The following DHRSX variants were observed in gnomAD, a reference collection of about 807,000 sequenced individuals.
DHRSX encodes polyprenol dehydrogenase.
In DHRSX, 31 loss-of-function variants were observed where a neutral mutation model predicts 34.0. The ratio of observed to expected loss-of-function variants is 0.91; its 90% CI spans 0.69 to 1.23. The LOEUF (loss-of-function observed/expected upper bound fraction) is 1.23, where lower values mean the gene tolerates loss of function less well. DHRSX is among the 50% of genes most tolerant of loss of function. The probability of loss-of-function intolerance (pLI) is 0.00; values close to 1 mark genes in which losing one functional copy is unlikely to be tolerated. For synonymous variants in DHRSX, 201 were observed against 183.8 expected (o/e 1.09, Z -0.76); for missense variants, 414 against 428.1 (o/e 0.97, Z 0.29).
intron 3 of DHRSX, among the ~76,000 whole-genome samples, chrX:2,330,169 T>A (rs67270553): frequency 0.97 from 117,366 of 120,776 alleles, 56,979 homozygotes; most frequent in East Asian, 0.99. Flanking sequence ...GAGGAGGAGG[T>A]GAAAGAGGAG....
intron 6 of DHRSX, among the ~76,000 whole-genome samples, chrX:2,235,639 A>G (rs1446015044): frequency 6.8e-6 from 1 of 146,508 alleles, no homozygotes. Context: ...GCTACTCGGG[A>G]GGCTGAGGCA....
chrX:2,276,923 GGA>G (rs1400756482), intron 4 of DHRSX, among the ~76,000 whole-genome samples: 1 of 17,956 alleles, frequency 5.6e-5, no homozygotes, highest in Non-Finnish European at 1.3e-4. Flanking sequence ...GAGGGAACAG[GGA>G]GAGAGAGGGA....
intron 3 of DHRSX, among the ~76,000 whole-genome samples, chrX:2,340,726 T>C (rs2042630458): frequency 6.6e-6 from 1 of 152,060 alleles, no homozygotes; most frequent in African/African-American, 2.4e-5. Context: ...CAAGGATGCT[T>C]TCAATGGTTC....
At chrX:2,317,417 A>AT (rs376192581) in intron 3 of DHRSX, among the ~76,000 whole-genome samples, 216 of 150,114 alleles carry the variant, frequency 1.4e-3, no homozygotes, top group African/African-American at 4.8e-3. Flanking sequence ...ACGCCCTGCT[A>AT]TTTTTTTTAT....
At chrX:2,466,176 T>A (rs2044492978) in intron 1 of DHRSX, among the ~76,000 whole-genome samples, 2 of 152,186 alleles carry the variant, frequency 1.3e-5, no homozygotes, top group Non-Finnish European at 2.9e-5. Context: ...TGGCGGCGCA[T>A]GCCTGTAATC....
chrX:2,341,222 T>A (rs1398742624), intron 3 of DHRSX, among the ~76,000 whole-genome samples: 2 of 152,078 alleles, frequency 1.3e-5, no homozygotes, highest in Non-Finnish European at 2.9e-5. Flanking sequence ...CACGCTTGCA[T>A]TCCAGACTCA....
chrX:2,421,880 T>C (rs1182001190), intron 2 of DHRSX, among the ~76,000 whole-genome samples: 1 of 152,114 alleles, frequency 6.6e-6, no homozygotes, highest in Admixed American at 6.5e-5. Context: ...ATGTGGAGAG[T>C]TCATTTTTTC....
At chrX:2,405,832 C>G in intron 3 of DHRSX, among the ~76,000 whole-genome samples, 1 of 151,932 alleles carries the variant, frequency 6.6e-6, no homozygotes, top group Non-Finnish European at 1.5e-5. Context: ...TCAAAATACA[C>G]CCATCCCCCA....
chrX:2,251,159 G>T (rs1305399380), intron 5 of DHRSX, among the ~76,000 whole-genome samples: 1 of 152,100 alleles, frequency 6.6e-6, no homozygotes, highest in East Asian at 1.9e-4. Flanking sequence ...CTGACATCGG[G>T]CCTGTAAAAA....
chrX:2,240,019 G>A (rs1399896630), intron 6 of DHRSX, among the ~76,000 whole-genome samples: 21 of 151,766 alleles, frequency 1.4e-4, no homozygotes, highest in Non-Finnish European at 2.5e-4. Context: ...ACAGCTGGGC[G>A]CGGTGGCTCA....
intron 6 of DHRSX, among the ~76,000 whole-genome samples, chrX:2,239,178 G>C (rs2016083384): frequency 6.6e-6 from 1 of 152,050 alleles, no homozygotes; most frequent in African/African-American, 2.4e-5. Flanking sequence ...GATGATCAAA[G>C]GATTAAAGAA....
chrX:2,453,254 C>T (rs748283103), intron 1 of DHRSX, among the ~76,000 whole-genome samples: 2 of 151,954 alleles, frequency 1.3e-5, no homozygotes, highest in South Asian at 2.1e-4. Context: ...CAGTTGCTGG[C>T]CAAAAGCGGT....
intron 3 of DHRSX, among the ~76,000 whole-genome samples, chrX:2,364,923 T>C (rs1354068157): frequency 6.6e-6 from 1 of 152,220 alleles, no homozygotes; most frequent in Non-Finnish European, 1.5e-5. Context: ...ATTTTCTGTC[T>C]AACTAATATC....
At chrX:2,273,721 C>T (rs1364201523) in intron 4 of DHRSX, among the ~76,000 whole-genome samples, 1 of 152,232 alleles carries the variant, frequency 6.6e-6, no homozygotes, top group Non-Finnish European at 1.5e-5. Context: ...TAAGTCAGAA[C>T]ATGCAGTATT....
chrX:2,272,614 G>A (rs1354280117), intron 4 of DHRSX, among the ~76,000 whole-genome samples: 1 of 152,078 alleles, frequency 6.6e-6, no homozygotes, highest in Non-Finnish European at 1.5e-5. Flanking sequence ...AGCCAGCTTT[G>A]GTTTAAAAAG....
At chrX:2,297,586 G>A (rs2041949056) in intron 3 of DHRSX, among the ~76,000 whole-genome samples, 1 of 152,134 alleles carries the variant, frequency 6.6e-6, no homozygotes, top group African/African-American at 2.4e-5. Flanking sequence ...AAATTATCCT[G>A]TATTAGCCTA....
chrX:2,237,515 T>A (rs1370408514), intron 6 of DHRSX, among the ~76,000 whole-genome samples: 1 of 151,966 alleles, frequency 6.6e-6, no homozygotes, highest in African/African-American at 2.4e-5. Context: ...CTATTTTTTT[T>A]TTTTTTTGAG....
rs780747714 is a variant in DHRSX, at chrX:2,469,485, G to A, written c.109+31332C>T. On this transcript the variant is annotated intron_variant, in intron 1 of 6. Coordinates refer to ENST00000334651, the MANE Select transcript of DHRSX (RefSeq NM_145177.3). ...CCGCCACCCTATACACACTGAAGAC[G>A]CTCCCTAAGCATGTGGCTAACAGAC... Among the ~76,000 whole-genome samples the A allele has an allele frequency of 3.3e-5, 5 of 151,038 alleles. No homozygotes were observed. In the East Asian group the frequency reaches 9.8e-4, roughly 30 times the overall value.
At chrX:2,477,852 C>CAAAAA (rs772395587) in intron 1 of DHRSX, among the ~76,000 whole-genome samples, 13 of 125,756 alleles carry the variant, frequency 1.0e-4, no homozygotes, top group African/African-American at 3.6e-4. Flanking sequence ...GACTCCGTCT[C>CAAAAA]AAAAAAAAAA....
Sources: gnomAD v4.1 joint callset for allele counts (sites outside exome capture counted in the v4.1 genomes callset) on GRCh38, gnomAD v4.1.1 for gene constraint, MANE v1.5 for transcripts, NCBI Gene and HGNC (gene_info 2026-07-23, HGNC 2026-07-21) for gene names.